The following ADRA1D variants were observed in gnomAD, a reference collection of about 807,000 sequenced individuals.
The protein encoded by ADRA1D is alpha-1D adrenergic receptor.
Under a neutral mutation model 18.6 loss-of-function variants are expected in ADRA1D, and 22 were observed. That is an observed-to-expected ratio of 1.19 (90% confidence interval 0.85 to 1.69). ADRA1D has a LOEUF of 1.69. Ranked by LOEUF, ADRA1D falls within the 40% of genes most tolerant of loss-of-function variation. The probability of loss-of-function intolerance (pLI) is 0.00; values close to 1 mark genes in which losing one functional copy is unlikely to be tolerated. For missense variants in ADRA1D, 840 were observed against 840.7 expected, an observed-to-expected ratio of 1.00 and a Z score of 0.01; for synonymous variants, 376 against 388.2, an observed-to-expected ratio of 0.97 and a Z score of 0.37.
At chr20:4,238,558 G>A (rs990122649) in intron 1 of ADRA1D, among the ~76,000 whole-genome samples, 1 of 152,156 alleles carries the variant, frequency 6.6e-6, no homozygotes, top group African/African-American at 2.4e-5. Context: ...GAGAGTCAGA[G>A]CTTACAGAGG....
rs1424315294 is a variant in ADRA1D, at chr20:4,221,048, C to T, written c.*475G>A. 6.5e-6 allele frequency: 1 copy of T among 153,280 alleles called. No homozygotes were observed. The highest frequency in any genetic ancestry group is 1.5e-5 in the Non-Finnish European group (1 of 68,868). The allele number at this position is 153,280 out of a possible 1,614,324, so 9.5% of individuals were successfully genotyped here. A position where few individuals can be genotyped will look rare whatever the true frequency, so the allele number is the denominator to read the frequency against. On this transcript the variant is annotated 3_prime_UTR_variant, in exon 2 of 2. Coordinates refer to ENST00000379453, the MANE Select transcript of ADRA1D (RefSeq NM_000678.4). Reference sequence around the variant, plus strand: ...TGGTGGTAGGTCCACTGGGTTCCTCCAGTTGGCAGTAAGAAGGAGAAATTT... The same window carrying T: ...TGGTGGTAGGTCCACTGGGTTCCTCTAGTTGGCAGTAAGAAGGAGAAATTT...
intron 1 of ADRA1D, among the ~76,000 whole-genome samples, chr20:4,235,653 C>G (rs1200656890): frequency 6.6e-6 from 1 of 152,254 alleles, no homozygotes; most frequent in African/African-American, 2.4e-5. Flanking sequence ...AGCACTAATA[C>G]CCGGGGAGAG....
rs1425283036 is a variant in ADRA1D at position 4,220,784 on chromosome 20, C to T, written c.*739G>A. 1 of 152,464 alleles carries T rather than the reference C, an allele frequency of 6.6e-6. No individual in the cohort carries two copies. The highest frequency in any genetic ancestry group is 1.5e-5 in the Non-Finnish European group (1 of 68,052). The allele number at this position is 152,464 out of a possible 1,614,324, so 9.4% of individuals were successfully genotyped here. A position where few individuals can be genotyped will look rare whatever the true frequency, so the allele number is the denominator to read the frequency against. On this transcript the variant is annotated 3_prime_UTR_variant, in exon 2 of 2. Transcript: ENST00000379453. ...AGTACTCTTACCAATAAATATGTCT[C>T]AAAATGACAAATAAAGCTCTCCAAT... is the stretch of plus-strand genomic sequence containing the variant.
At chr20:4,242,846 G>A (rs1285985237) in intron 1 of ADRA1D, among the ~76,000 whole-genome samples, 1 of 151,764 alleles carries the variant, frequency 6.6e-6, no homozygotes, top group African/African-American at 2.4e-5. Flanking sequence ...AGGAGTGACA[G>A]GGGTGGGGCT....
At chr20:4,245,441 A>G (rs539711333) in intron 1 of ADRA1D, among the ~76,000 whole-genome samples, 33 of 152,306 alleles carry the variant, frequency 2.2e-4, no homozygotes, top group African/African-American at 7.9e-4. Flanking sequence ...CGAGGCAGGG[A>G]GAGAAAGAGG....
Position 4,249,014 on chromosome 20 carries a change from A to AG in ADRA1D, c.-58dup. 8.3e-7 allele frequency: 1 copy of AG among 1,198,320 alleles called. No individual in the cohort carries two copies. Among genetic ancestry groups the AG allele is most frequent in the Non-Finnish European group, 1.1e-6 (1 of 948,714 alleles). 74.2% of individuals were successfully genotyped at this position (1,198,320 alleles called of 1,614,324 possible). A position where few individuals can be genotyped will look rare whatever the true frequency, so the allele number is the denominator to read the frequency against. On this transcript the variant is annotated 5_prime_UTR_variant, in exon 1 of 2. The change abolishes the stop of an existing upstream ORF in the 5' untranslated region. Transcript: ENST00000379453. ...GGCACAGAACGAGCGGCCGGCAGGG[A>AG]GGGGAGCACAGGGCATAGCCGCGGG...
At position 4,238,019 on chromosome 20, in the gene ADRA1D, G is replaced by A. The variant is rs950121404; in HGVS notation, c.1111+9828C>T. Among the ~76,000 whole-genome samples, 8 of 150,860 alleles carry A rather than the reference G, an allele frequency of 5.3e-5. No individual in the cohort carries two copies. In the East Asian group the frequency reaches 7.9e-4, roughly 15 times the overall value. On this transcript the variant is annotated intron_variant, in intron 1 of 1. Transcript: ENST00000379453. ...TCCCAGCACTTTGGGAGGCCGAGGC[G>A]GGCGGATCACTTGAGGTCAGGAGTT...
Position 4,248,911 on chromosome 20 carries a change from G to A in ADRA1D, c.47C>T (p.Pro16Leu). ...GCTGGAGCCCCCTGCGCTGCTGTCC[G>A]GGCGGGGTCCCTCGAAACTGACGCT... The part of the protein sequence containing the change: ...LLSVSFEGPR[P>L]DSSAGGSSAG... Residue 16 changes from proline (P) to leucine (L), a missense_variant, in exon 1 of 2, where the codon CCG becomes CTG. Coordinates refer to ENST00000379453, the MANE Select transcript of ADRA1D (RefSeq NM_000678.4). The A allele has an allele frequency of 7.5e-7, 1 of 1,331,418 alleles. No individual in the cohort carries two copies. Among genetic ancestry groups the A allele is most frequent in the Non-Finnish European group, 9.7e-7 (1 of 1,028,564 alleles). 82.5% of individuals were successfully genotyped at this position (1,331,418 alleles called of 1,614,324 possible). A position where few individuals can be genotyped will look rare whatever the true frequency, so the allele number is the denominator to read the frequency against.
At chr20:4,238,055 C>T (rs2122670474) in intron 1 of ADRA1D, among the ~76,000 whole-genome samples, 1 of 149,356 alleles carries the variant, frequency 6.7e-6, no homozygotes, top group African/African-American at 2.5e-5. Flanking sequence ...TGAGACCAGC[C>T]TGGCCAACAT....
chr20:4,222,177 A>G lies in ADRA1D; in HGVS notation c.1112-47T>C, dbSNP rs753185767. 3 of 1,582,148 alleles carry G rather than the reference A, an allele frequency of 1.9e-6. No individual in the cohort carries two copies. Among genetic ancestry groups the G allele is most frequent in the Non-Finnish European group, 2.6e-6 (3 of 1,162,928 alleles). Reference sequence around the variant, plus strand: ...ACTATTTAGCTGCTTGGGGAGGGGGAGGCCAGGCGGCTCTGGGCGCAAAGG... The same window carrying G: ...ACTATTTAGCTGCTTGGGGAGGGGGGGGCCAGGCGGCTCTGGGCGCAAAGG... On this transcript the variant is annotated intron_variant, in intron 1 of 1. Coordinates refer to ENST00000379453, the MANE Select transcript of ADRA1D (RefSeq NM_000678.4). The surrounding 1 kb of genome is among the most constrained non-coding windows in gnomAD (Gnocchi z 4.3).
At chr20:4,226,042 T>C (rs1373064083) in intron 1 of ADRA1D, among the ~76,000 whole-genome samples, 1 of 152,222 alleles carries the variant, frequency 6.6e-6, no homozygotes, top group Non-Finnish European at 1.5e-5. Context: ...TACAATTCTT[T>C]TATATTTAGC....
rs1244944793 is a variant in ADRA1D at position 4,248,953 on chromosome 20, G to A, written c.5C>T (p.Thr2Ile). The change falls in exon 1 of 2, where the codon ACT (threonine) becomes ATT (isoleucine). Residue 2 changes from threonine to isoleucine, a missense_variant. Transcript: ENST00000379453. ...ACTGACGCTCAGGAGATCGCGGAAA[G>A]TCATCTCAACGCGCGGCCGTCGGTG... Reference protein sequence around the residue: MTFRDLLSVSFE... With the variant: MIFRDLLSVSFE... The A allele has an allele frequency of 2.2e-6, 3 of 1,357,022 alleles. No homozygotes were observed. The South Asian group carries it at 4.2e-5, about 19-fold the overall frequency. 84.1% of individuals were successfully genotyped at this position (1,357,022 alleles called of 1,614,324 possible).
Position 4,247,956 on chromosome 20 carries a change from G to A in ADRA1D, c.1002C>T (p.Ser334=), listed in dbSNP as rs370636418. Reference sequence around the variant, plus strand: ...CACGGGAGAACTTGAGCAGGCGCACGGAGAGCGAGCTGCGGAAGGTGTGGC... The same window carrying A: ...CACGGGAGAACTTGAGCAGGCGCACAGAGAGCGAGCTGCGGAAGGTGTGGC... ...AKGHTFRSSL[S]VRLLKFSREK... The change falls in exon 1 of 2, where the codon TCC becomes TCT. Residue 334 remains serine, a synonymous_variant. Coordinates refer to ENST00000379453, the MANE Select transcript of ADRA1D (RefSeq NM_000678.4). 3.8e-6 allele frequency: 6 copies of A among 1,594,390 alleles called. No individual in the cohort carries two copies. Among genetic ancestry groups the A allele is most frequent in the Admixed American group, 1.7e-5 (1 of 57,278 alleles).
At chr20:4,226,342 C>T (rs1336063453) in intron 1 of ADRA1D, among the ~76,000 whole-genome samples, 1 of 152,218 alleles carries the variant, frequency 6.6e-6, no homozygotes, top group Non-Finnish European at 1.5e-5. Context: ...TGGGCTCTCC[C>T]AGAGCAGACT....
intron 1 of ADRA1D, among the ~76,000 whole-genome samples, chr20:4,231,873 C>T (rs961749148): frequency 6.6e-6 from 1 of 152,102 alleles, no homozygotes; most frequent in African/African-American, 2.4e-5. Flanking sequence ...TGGCAGCTGC[C>T]CCACCAGCAG....
In ADRA1D at chr20:4,222,891, A is replaced by G. The variant is rs1171038129; in HGVS notation, c.1112-761T>C. On this transcript the variant is annotated intron_variant, in intron 1 of 1. Transcript: ENST00000379453. The surrounding 1 kb of genome is among the most constrained non-coding windows in gnomAD (Gnocchi z 4.3). ...GGCTGGGCTACAGGGCTTAGTCTAT[A>G]GTCCTCAATAAGACTTCTAAATAAA... Among the ~76,000 whole-genome samples the G allele has an allele frequency of 1.3e-5, 2 of 152,228 alleles. No individual in the cohort carries two copies. The highest frequency in any genetic ancestry group is 4.8e-5 in the African/African-American group (2 of 41,454).
In ADRA1D at chr20:4,222,984, G is replaced by A. The variant is rs1019118530; in HGVS notation, c.1112-854C>T. Among the ~76,000 whole-genome samples the A allele has an allele frequency of 1.3e-5, 2 of 151,704 alleles. No individual in the cohort carries two copies. The highest frequency in any genetic ancestry group is 2.9e-5 in the Non-Finnish European group (2 of 67,960). ...AATATGATTCAAACGAACATTAGCC[G>A]TCCCCACGGATATTTTCCTATCACT... is the stretch of plus-strand genomic sequence containing the variant. On this transcript the variant is annotated intron_variant, in intron 1 of 1. Transcript: ENST00000379453. This position sits in a 1 kb window ranked among gnomAD's most constrained non-coding sequence, Gnocchi z 4.3.
intron 1 of ADRA1D, among the ~76,000 whole-genome samples, chr20:4,231,206 T>C (rs1980960165): frequency 6.6e-6 from 1 of 151,378 alleles, no homozygotes; most frequent in Non-Finnish European, 1.5e-5. Context: ...CAAGTGAGCC[T>C]CTTGCCTCAG....
At chr20:4,247,003 T>A (rs1981350475) in intron 1 of ADRA1D, among the ~76,000 whole-genome samples, 1 of 151,968 alleles carries the variant, frequency 6.6e-6, no homozygotes, top group Non-Finnish European at 1.5e-5. Context: ...GGCAAATTCA[T>A]CCCCAGAGAT....
Sources: gnomAD v4.1 joint callset for allele counts (sites outside exome capture counted in the v4.1 genomes callset) on GRCh38, gnomAD v4.1.1 for gene constraint, Gnocchi (gnomAD v3.1) non-coding constraint, MANE v1.5 for transcripts, NCBI Gene and HGNC (gene_info 2026-07-23, HGNC 2026-07-21) for gene names.